The following MRPL42 variants were observed in gnomAD, a reference collection of about 807,000 sequenced individuals.
MRPL42 encodes large ribosomal subunit protein mL42.
MRPL42 carries 17 observed loss-of-function variants against 17.9 expected under a neutral mutation model. That is an observed-to-expected ratio of 0.95 (90% CI 0.65 to 1.42). The LOEUF (loss-of-function observed/expected upper bound fraction) is 1.42. Ranked by LOEUF, MRPL42 falls within the 40% of genes most tolerant of loss-of-function variation. MRPL42 has a pLI of 0.00. For missense variants in MRPL42, 177 were observed against 175.2 expected (o/e 1.01, Z -0.06); for synonymous variants, 59 against 54.4 (o/e 1.08, Z -0.37).
At chr12:93,500,660 TA>T (rs1175805897) in intron 5 of MRPL42, 1 of 152,288 alleles carries the variant, frequency 6.6e-6, no homozygotes, top group African/African-American at 2.4e-5. Context: ...TTTGGAAGCC[TA>T]AATCTCACCA....
intron 4 of MRPL42, among the ~76,000 whole-genome samples, chr12:93,485,221 G>T (rs1880686491): frequency 6.8e-6 from 1 of 146,408 alleles, no homozygotes; most frequent in Non-Finnish European, 1.5e-5. Flanking sequence ...GGAATGCAGT[G>T]GCGTGATCTT....
chr12:93,492,265 A>G (rs1433937131), intron 5 of MRPL42, among the ~76,000 whole-genome samples: 1 of 152,198 alleles, frequency 6.6e-6, no homozygotes, highest in Non-Finnish European at 1.5e-5. Flanking sequence ...TTTTCTTTGC[A>G]GCCTTGCCAA....
At chr12:93,467,971 G>A (rs1368979049) in intron 1 of MRPL42, among the ~76,000 whole-genome samples, 2 of 152,150 alleles carry the variant, frequency 1.3e-5, no homozygotes, top group Non-Finnish European at 2.9e-5. Context: ...TTTTCTCTGG[G>A]CTTCGGACAG....
chr12:93,501,281 C>G lies in MRPL42; in HGVS notation c.*60C>G. ...GCCTCATTTGCCATTTGAGAAAATG[C>G]AGTCTGGTGTATTCAGTAATATATA... On this transcript the variant is annotated 3_prime_UTR_variant, in exon 6 of 6. Transcript: ENST00000549982. The G allele has an allele frequency of 7.5e-7, 1 of 1,328,056 alleles. No individual in the cohort carries two copies. Among genetic ancestry groups the G allele is most frequent in the Non-Finnish European group, 1.1e-6 (1 of 945,328 alleles). 82.3% of individuals were successfully genotyped at this position (1,328,056 alleles called of 1,614,324 possible). A position where few individuals can be genotyped will look rare whatever the true frequency, so the allele number is the denominator to read the frequency against.
intron 4 of MRPL42, among the ~76,000 whole-genome samples, chr12:93,481,160 CCCT>C (rs1426036590): frequency 6.6e-6 from 1 of 152,116 alleles, no homozygotes; most frequent in Admixed American, 6.6e-5. Flanking sequence ...CTGAATCTGA[CCCT>C]CCTCAACTGT....
intron 4 of MRPL42, among the ~76,000 whole-genome samples, chr12:93,484,403 A>C (rs982174429): frequency 2.1e-4 from 32 of 152,170 alleles, no homozygotes; most frequent in African/African-American, 7.5e-4. Flanking sequence ...GCTATACATA[A>C]TTGTATGTGC....
rs752343426 is a variant in MRPL42, at chr12:93,512,847, AT to A, written c.*11629del. ...AATCCATTTATGTCATCAAAAGAGG[AT>A]TTAAATTTAATTGTAAGCTTATATG... On this transcript the variant is annotated 3_prime_UTR_variant, in exon 6 of 6. Transcript: ENST00000549982. 14 of 152,322 alleles carry A rather than the reference AT, an allele frequency of 9.2e-5. No homozygotes were observed. The highest frequency in any genetic ancestry group is 1.6e-4 in the Non-Finnish European group (11 of 68,026). The allele number at this position is 152,322 out of a possible 1,614,324, so 9.4% of individuals were successfully genotyped here.
At chr12:93,477,657 T>C (rs1206967738) in intron 3 of MRPL42, among the ~76,000 whole-genome samples, 1 of 152,140 alleles carries the variant, frequency 6.6e-6, no homozygotes, top group Non-Finnish European at 1.5e-5. Context: ...AGAGCAGTGG[T>C]GTGATCTTGG....
chr12:93,476,668 ATTTG>A (rs1880198339), intron 2 of MRPL42, among the ~76,000 whole-genome samples: 1 of 152,110 alleles, frequency 6.6e-6, no homozygotes, highest in Non-Finnish European at 1.5e-5. Context: ...AACCTGCACA[ATTTG>A]TTTGGTAGCC....
intron 4 of MRPL42, among the ~76,000 whole-genome samples, chr12:93,482,477 T>A (rs960104418): frequency 6.6e-6 from 1 of 152,152 alleles, no homozygotes; most frequent in Admixed American, 6.6e-5. Flanking sequence ...ACTTGGTAGG[T>A]GCACAATAAA....
In MRPL42 at chr12:93,469,375, A is replaced by G. The variant is rs1002943134; in HGVS notation, c.70+20A>G. 1.3e-6 allele frequency: 2 copies of G among 1,557,582 alleles called. No individual in the cohort carries two copies. The highest frequency in any genetic ancestry group is 1.7e-6 in the Non-Finnish European group (2 of 1,144,826). The stretch of plus-strand genomic sequence containing the variant: ...TCCAAAGTAAGTGAAATTTTTTTTA[A>G]TGTTTAAAAACTTTTAAACTTTTAA... On this transcript the variant is annotated intron_variant, in intron 2 of 5. Transcript: ENST00000549982.
At chr12:93,476,586 T>C (rs567652578) in intron 2 of MRPL42, among the ~76,000 whole-genome samples, 4 of 152,336 alleles carry the variant, frequency 2.6e-5, no homozygotes, top group African/African-American at 9.6e-5. Flanking sequence ...TTTTCATCTC[T>C]TATCAATCCT....
rs1555201430 is a variant in MRPL42, at chr12:93,485,011, T to TATACAC, written c.220-2483_220-2482insCACATA. Among the ~76,000 whole-genome samples the TATACAC allele has an allele frequency of 9.4e-5, 6 of 63,518 alleles. 1 individual carries two copies. The highest frequency in any genetic ancestry group is 1.9e-4 in the Non-Finnish European group (5 of 26,530). 41.7% of individuals were successfully genotyped at this position (63,518 alleles called of 152,430 possible). Reference sequence around the variant, plus strand: ...ATATATATATATATATATATATATATATATATATATATATATAAACAGAGA... The same window carrying TATACAC: ...ATATATATATATATATATATATATATATACACATATATATATATATATAAACAGAGA... On this transcript the variant is annotated intron_variant, in intron 4 of 5. Transcript: ENST00000549982.
chr12:93,479,635 T>A lies in MRPL42; in HGVS notation c.219+163T>A, dbSNP rs1880360862. ...TGATTTTTCTCTTATTTATTTTTCA[T>A]CTGCTTTCTTTACAGTCTTTTTTCA... On this transcript the variant is annotated intron_variant, in intron 4 of 5. Coordinates refer to ENST00000549982, the MANE Select transcript of MRPL42 (RefSeq NM_014050.4). Among the ~76,000 whole-genome samples the A allele has an allele frequency of 2.6e-5, 4 of 152,148 alleles. No homozygotes were observed. In the South Asian group the frequency reaches 8.3e-4, roughly 31 times the overall value.
chr12:93,496,165 T>G (rs939981381), intron 5 of MRPL42, among the ~76,000 whole-genome samples: 1 of 152,158 alleles, frequency 6.6e-6, no homozygotes, highest in Non-Finnish European at 1.5e-5. Flanking sequence ...TTCAAGCAAT[T>G]CTCCTGCCTC....
intron 5 of MRPL42, among the ~76,000 whole-genome samples, chr12:93,494,173 G>C (rs573358177): frequency 1.7e-4 from 26 of 151,888 alleles, no homozygotes; most frequent in African/African-American, 5.3e-4. Context: ...TTCTGAGTGA[G>C]ATAGGAAGCT....
Position 93,472,670 on chromosome 12 carries a change from G to A in MRPL42, c.70+3315G>A, listed in dbSNP as rs181445533. ...AGGACAGTAAGATTGGAGGCAAAGC[G>A]AAATCATGATTAAGGAAGAAAGTTC... On this transcript the variant is annotated intron_variant, in intron 2 of 5. Transcript: ENST00000549982. 9.2e-5 allele frequency among the ~76,000 whole-genome samples: 14 copies of A among 152,224 alleles called. No homozygotes were observed. In the East Asian group the frequency reaches 2.5e-3, roughly 27 times the overall value.
intron 2 of MRPL42, among the ~76,000 whole-genome samples, chr12:93,471,505 G>A (rs967814467): frequency 2.6e-5 from 4 of 151,930 alleles, no homozygotes; most frequent in African/African-American, 7.2e-5. Context: ...TCACCATGTT[G>A]GCCAAAACTG....
At chr12:93,475,845 G>A (rs372004512) in intron 2 of MRPL42, among the ~76,000 whole-genome samples, 1 of 151,908 alleles carries the variant, frequency 6.6e-6, no homozygotes, top group East Asian at 2.0e-4. Context: ...TTAGCCAGGC[G>A]TGGTGGGGGC....
Sources: allele counts gnomAD v4.1 joint callset (sites outside exome capture counted in the v4.1 genomes callset), GRCh38; gene constraint gnomAD v4.1.1; transcripts MANE v1.5; gene names NCBI Gene and HGNC (gene_info 2026-07-23, HGNC 2026-07-21).